Variants in HHLA1 observed in about 807,000 individuals in gnomAD.
HHLA1 encodes HERV-H LTR-associating protein 1.
HHLA1 carries 72 observed loss-of-function variants against 69.9 expected under a neutral mutation model. The ratio of observed to expected loss-of-function variants is 1.03; its 90% CI spans 0.85 to 1.25. HHLA1 has a LOEUF of 1.25. Among genes scored for constraint, HHLA1 ranks in the 50% most tolerant of loss-of-function variants. The probability of loss-of-function intolerance (pLI) is 0.00; values close to 1 mark genes in which losing one functional copy is unlikely to be tolerated. For missense variants in HHLA1, 685 were observed against 642.2 expected, an observed-to-expected ratio of 1.07 and a Z score of -0.72; for synonymous variants, 252 against 233.2, an observed-to-expected ratio of 1.08 and a Z score of -0.73.
At chr8:132,070,367 G>A (rs1035584814) in intron 15 of HHLA1, 26 of 701,766 alleles carry the variant, frequency 3.7e-5, no homozygotes, top group Non-Finnish European at 6.2e-5. Context: ...GATTGGTAGG[G>A]ATTTATGAAA....
At chr8:132,105,394 G>A (rs1347445284) in intron 1 of HHLA1, 108 bp from the exon 2 acceptor site, 6 of 758,246 alleles carry the variant, frequency 7.9e-6, no homozygotes, top group Non-Finnish European at 1.4e-5. Flanking sequence ...AAAAGGCTTT[G>A]TACTAGGTTA....
intron 5 of HHLA1, among the ~76,000 whole-genome samples, chr8:132,097,664 T>C (rs548341814): frequency 6.6e-6 from 1 of 152,294 alleles, no homozygotes; most frequent in African/African-American, 2.4e-5. Flanking sequence ...ATCTGATAAT[T>C]CAGTCTCTCC....
chr8:132,097,274 A>T (rs1375025045), intron 5 of HHLA1, among the ~76,000 whole-genome samples: 1 of 152,236 alleles, frequency 6.6e-6, no homozygotes, highest in Non-Finnish European at 1.5e-5. Context: ...CCCTTCAAAG[A>T]TCAGCTGGAT....
At chr8:132,108,625 C>T (rs1824245028) in intron 1 of HHLA1, among the ~76,000 whole-genome samples, 1 of 152,078 alleles carries the variant, frequency 6.6e-6, no homozygotes, top group African/African-American at 2.4e-5. Context: ...CCAAAATATA[C>T]TATCCCCTAA....
intron 10 of HHLA1, among the ~76,000 whole-genome samples, 183 bp downstream of exon 10, chr8:132,087,470 T>C (rs1321145019): frequency 6.6e-6 from 1 of 152,196 alleles, no homozygotes; most frequent in Non-Finnish European, 1.5e-5. Flanking sequence ...GGGGAAGATC[T>C]AGAATTGCCA....
chr8:132,085,711 T>G (rs1487023330), intron 10 of HHLA1: 1 of 150,806 alleles, frequency 6.6e-6, no homozygotes, highest in Non-Finnish European at 1.5e-5. Context: ...AAAGGAAAAT[T>G]ACAGTCAAAG....
In HHLA1 at chr8:132,083,634, G is replaced by A. The variant is rs377333699; in HGVS notation, c.677-3668C>T. On this transcript the variant is annotated intron_variant, in intron 10 of 16. Coordinates refer to ENST00000414222, the MANE Select transcript of HHLA1 (RefSeq NM_001145095.3). The stretch of plus-strand genomic sequence containing the variant: ...CAGTGGGGTCCCACACAGATGGGAC[G>A]CGGCTTAGGAGGAATCCCAGGCTGC... 1.4e-3 allele frequency among the ~76,000 whole-genome samples: 215 copies of A among 152,176 alleles called. 3 individuals are homozygous for A. In the East Asian group the frequency reaches 0.033, roughly 23 times the overall value.
At chr8:132,110,808 C>T (rs1055185901) in intron 1 of HHLA1, among the ~76,000 whole-genome samples, 11 of 152,168 alleles carry the variant, frequency 7.2e-5, no homozygotes, top group African/African-American at 2.7e-4. Flanking sequence ...GATTATGTTT[C>T]TTTTATCATA....
chr8:132,075,307 G>A (rs978148363), intron 14 of HHLA1, among the ~76,000 whole-genome samples: 1 of 152,160 alleles, frequency 6.6e-6, no homozygotes, highest in Non-Finnish European at 1.5e-5. Context: ...ATTCAGGAGT[G>A]GGAGGAGCCT....
chr8:132,075,253 T>A (rs1271551483), intron 14 of HHLA1, among the ~76,000 whole-genome samples: 1 of 152,178 alleles, frequency 6.6e-6, no homozygotes, highest in Non-Finnish European at 1.5e-5. Flanking sequence ...AATAATGCCC[T>A]GTTGACATAT....
chr8:132,086,058 T>C (rs999055565), intron 10 of HHLA1, among the ~76,000 whole-genome samples: 1 of 152,068 alleles, frequency 6.6e-6, no homozygotes, highest in Non-Finnish European at 1.5e-5. Context: ...AGAAACAGCT[T>C]GAAAAACAGG....
intron 10 of HHLA1, among the ~76,000 whole-genome samples, chr8:132,084,689 AAGG>A (rs1358857027): frequency 6.6e-6 from 1 of 151,774 alleles, no homozygotes; most frequent in Admixed American, 6.6e-5. Context: ...AAGGGATAAG[AAGG>A]AGGAATGGAA....
intron 14 of HHLA1, among the ~76,000 whole-genome samples, chr8:132,071,770 G>C (rs1035742955): frequency 6.6e-6 from 1 of 152,160 alleles, no homozygotes; most frequent in African/African-American, 2.4e-5. Flanking sequence ...TGTTGAACAG[G>C]AATGTATCAG....
chr8:132,070,196 T>C (rs1388065889), intron 15 of HHLA1: 3 of 628,114 alleles, frequency 4.8e-6, no homozygotes, highest in Non-Finnish European at 5.7e-6. Context: ...GGAGTATTCA[T>C]CTATGTAATT....
intron 7 of HHLA1, 99 bp downstream of exon 7, chr8:132,095,420 C>A (rs907449594): frequency 1.7e-5 from 12 of 725,444 alleles, no homozygotes; most frequent in Non-Finnish European, 2.9e-5. Context: ...TGGATAGGAC[C>A]ATATTTTCCT....
intron 10 of HHLA1, among the ~76,000 whole-genome samples, chr8:132,082,399 T>C (rs1156531718): frequency 6.6e-6 from 1 of 152,182 alleles, no homozygotes; most frequent in East Asian, 1.9e-4. Flanking sequence ...GTCCTGGCTC[T>C]TGTGTAAGAA....
chr8:132,080,442 T>A (rs995969246), intron 10 of HHLA1: 103 of 287,816 alleles, frequency 3.6e-4, no homozygotes, highest in Non-Finnish European at 4.9e-4. Flanking sequence ...AGTGGGGGTC[T>A]CAAGGTGCTC....
chr8:132,092,040 A>G (rs1226471984), intron 7 of HHLA1, among the ~76,000 whole-genome samples: 1 of 152,238 alleles, frequency 6.6e-6, no homozygotes, highest in Non-Finnish European at 1.5e-5. Context: ...CATTCTTTCA[A>G]TGAATACTAA....
intron 2 of HHLA1, 97 bp downstream of exon 2, chr8:132,105,090 T>C: frequency 1.1e-6 from 1 of 886,422 alleles, no homozygotes; most frequent in East Asian, 2.7e-5. Context: ...ATTTGGATTC[T>C]GGGCAGAAAT....
Sources: allele counts gnomAD v4.1 joint callset (sites outside exome capture counted in the v4.1 genomes callset), GRCh38; gene constraint gnomAD v4.1.1; transcripts MANE v1.5; gene names NCBI Gene and HGNC (gene_info 2026-07-23, HGNC 2026-07-21).